Variants in EBF2 observed in about 807,000 individuals in gnomAD.
EBF2 encodes the protein EBF transcription factor 2, also known as transcription factor COE2.
In EBF2, 21 loss-of-function variants were observed where a neutral mutation model predicts 72.8. The ratio of observed to expected loss-of-function variants is 0.29; its 90% CI spans 0.20 to 0.42. The LOEUF is 0.42. Ranked by LOEUF, EBF2 falls within the 10% of genes least tolerant of loss-of-function variation. The pLI, the probability that EBF2 is intolerant of heterozygous loss-of-function variation, is 1.00. For missense variants in EBF2, 637 were observed against 731.2 expected (o/e 0.87, Z 1.49); for synonymous variants, 299 against 274.2 (o/e 1.09, Z -0.89).
At chr8:25,874,150 T>G (rs1289350733) in intron 10 of EBF2, among the ~76,000 whole-genome samples, 1 of 152,198 alleles carries the variant, frequency 6.6e-6, no homozygotes, top group Non-Finnish European at 1.5e-5. Flanking sequence ...ATGGGAATTT[T>G]TTTTTCCAGG....
intron 6 of EBF2, among the ~76,000 whole-genome samples, chr8:25,971,450 C>A (rs1473545963): frequency 1.3e-5 from 2 of 152,096 alleles, no homozygotes; most frequent in Non-Finnish European, 2.9e-5. Context: ...CCAGACCCCG[C>A]CCCCGAAAAA....
chr8:25,927,622 A>C (rs1803407753), intron 6 of EBF2, among the ~76,000 whole-genome samples: 1 of 152,056 alleles, frequency 6.6e-6, no homozygotes, highest in Non-Finnish European at 1.5e-5. Context: ...GGTGCACATT[A>C]AACCTCACAG....
At chr8:25,999,279 GAC>G (rs1354927771) in intron 6 of EBF2, among the ~76,000 whole-genome samples, 1 of 152,162 alleles carries the variant, frequency 6.6e-6, no homozygotes, top group African/African-American at 2.4e-5. Flanking sequence ...TTCTCCTCAA[GAC>G]ACACATTCAT....
intron 1 of EBF2, among the ~76,000 whole-genome samples, chr8:26,042,931 G>A (rs961813494): frequency 6.6e-6 from 1 of 152,160 alleles, no homozygotes; most frequent in Non-Finnish European, 1.5e-5. Flanking sequence ...ACCAGCCCCG[G>A]GGATCGCTGG....
At chr8:26,030,624 A>G (rs948590055) in intron 6 of EBF2, among the ~76,000 whole-genome samples, 1 of 152,176 alleles carries the variant, frequency 6.6e-6, no homozygotes, top group Non-Finnish European at 1.5e-5. Context: ...TGTTTATAGT[A>G]AGGTGGGCTC....
chr8:26,012,642 CAG>C (rs1003031456), intron 6 of EBF2, among the ~76,000 whole-genome samples: 1 of 152,170 alleles, frequency 6.6e-6, no homozygotes, highest in African/African-American at 2.4e-5. Flanking sequence ...CACTAATGGA[CAG>C]AGTTACCATT....
intron 5 of EBF2, among the ~76,000 whole-genome samples, chr8:26,035,367 C>G (rs552238771): frequency 7.1e-4 from 108 of 152,212 alleles, no homozygotes; most frequent in African/African-American, 2.5e-3. Flanking sequence ...CCAGGCTGAT[C>G]TCGAACTCCT....
intron 7 of EBF2, among the ~76,000 whole-genome samples, chr8:25,902,246 G>A (rs1396328065): frequency 2.6e-5 from 4 of 152,050 alleles, no homozygotes; most frequent in African/African-American, 7.2e-5. Flanking sequence ...ACCCACACAA[G>A]CAGAAAGAAA....
At chr8:25,915,608 GAAAAAAAAA>G (rs34778900) in intron 6 of EBF2, among the ~76,000 whole-genome samples, 1 of 130,984 alleles carries the variant, frequency 7.6e-6, no homozygotes, top group African/African-American at 2.9e-5. Context: ...CAGCCTTTTG[GAAAAAAAAA>G]AAAAAAAAAG....
At chr8:26,014,135 A>C (rs190732020) in intron 6 of EBF2, among the ~76,000 whole-genome samples, 9 of 152,322 alleles carry the variant, frequency 5.9e-5, no homozygotes, top group Non-Finnish European at 1.3e-4. Flanking sequence ...GATAAGGCAT[A>C]TATGGAGAAA....
intron 6 of EBF2, among the ~76,000 whole-genome samples, chr8:25,950,079 A>G (rs539719718): frequency 6.6e-6 from 1 of 152,238 alleles, no homozygotes; most frequent in Non-Finnish European, 1.5e-5. Context: ...ATTAATGAAC[A>G]TCATCCGAAG....
At chr8:25,946,013 A>C (rs1803763279) in intron 6 of EBF2, among the ~76,000 whole-genome samples, 1 of 152,182 alleles carries the variant, frequency 6.6e-6, no homozygotes, top group African/African-American at 2.4e-5. Flanking sequence ...TGCCTGTCGG[A>C]GCAACAGGAA....
intron 6 of EBF2, among the ~76,000 whole-genome samples, chr8:25,933,105 C>G (rs1416169318): frequency 6.6e-6 from 1 of 152,128 alleles, no homozygotes; most frequent in Non-Finnish European, 1.5e-5. Flanking sequence ...CAACAGGTCT[C>G]GTAGGCATGC....
chr8:25,941,142 T>C (rs112762637), intron 6 of EBF2, among the ~76,000 whole-genome samples: 5 of 151,726 alleles, frequency 3.3e-5, no homozygotes, highest in Admixed American at 6.6e-5. Flanking sequence ...GCAGCAGTAG[T>C]GGCTACTCCT....
At chr8:25,903,927 C>T (rs761256437) in intron 7 of EBF2, among the ~76,000 whole-genome samples, 4 of 152,102 alleles carry the variant, frequency 2.6e-5, no homozygotes, top group Non-Finnish European at 5.9e-5. Context: ...GCCTGCAGCT[C>T]TAAAGAAGTC....
At chr8:26,013,330 G>C (rs1313908071) in intron 6 of EBF2, among the ~76,000 whole-genome samples, 1 of 152,080 alleles carries the variant, frequency 6.6e-6, no homozygotes, top group Admixed American at 6.6e-5. Context: ...CTTTCCTCCT[G>C]CTTCTCCCAC....
chr8:25,851,707 CAAAAGTGTTGTTGGAGCCTA>C (rs1801980742), intron 14 of EBF2, among the ~76,000 whole-genome samples: 1 of 152,186 alleles, frequency 6.6e-6, no homozygotes, highest in Non-Finnish European at 1.5e-5. Context: ...CATGACTTGA[CAAAAGTGTTGTTGGAGCCTA>C]ATGACCAAGC....
intron 14 of EBF2, 105 bp downstream of exon 14, chr8:25,858,214 G>A (rs748746418): frequency 1.5e-5 from 21 of 1,398,538 alleles, no homozygotes; most frequent in Middle Eastern, 1.8e-4. Flanking sequence ...GCTGCTCCCC[G>A]ACAACTTAGG....
intron 7 of EBF2, 23 bp downstream of exon 7, chr8:25,908,451 G>A (rs1220184714): frequency 1.3e-6 from 2 of 1,558,374 alleles, no homozygotes; most frequent in Admixed American, 1.8e-5. Context: ...TATTTAACAG[G>A]AAAGATCTGC....
Sources: allele counts gnomAD v4.1 joint callset (sites outside exome capture counted in the v4.1 genomes callset), GRCh38; gene constraint gnomAD v4.1.1; transcripts MANE v1.5; gene names NCBI Gene and HGNC (gene_info 2026-07-23, HGNC 2026-07-21).